The following STAG1 variants were observed in gnomAD, a reference collection of about 807,000 sequenced individuals.
STAG1 encodes the protein cohesin subunit SA-1.
Under a neutral mutation model 170.9 loss-of-function variants are expected in STAG1, and 26 were observed. The ratio of observed to expected loss-of-function variants is 0.15; its 90% CI spans 0.11 to 0.21. STAG1 has a LOEUF of 0.21. STAG1 is among the 10% of genes least tolerant of loss of function. The pLI is 1.00. For synonymous variants in STAG1, 514 were observed against 497.7 expected, an observed-to-expected ratio of 1.03 and a Z score of -0.44; for missense variants, 964 against 1,509.5, an observed-to-expected ratio of 0.64 and a Z score of 5.99.
At chr3:136,558,659 T>G (rs77145930) in intron 5 of STAG1, among the ~76,000 whole-genome samples, 9,301 of 152,340 alleles carry the variant, frequency 0.061, 416 homozygotes, top group Non-Finnish European at 0.095. Flanking sequence ...ATCAGAATTC[T>G]GTGACATCAC....
At chr3:136,666,070 A>G (rs9876771) in intron 1 of STAG1, among the ~76,000 whole-genome samples, 37,434 of 102,834 alleles carry the variant, frequency 0.36, 7,217 homozygotes, top group African/African-American at 0.56. Flanking sequence ...GTGAGACTCC[A>G]TCTCAAAAAA....
In STAG1 at chr3:136,336,859, A is replaced by C. The variant is rs1321002615; in HGVS notation, c.*1395T>G. ...TTTTTCGTATTTGATAAAAAGGGAA[A>C]GCCTCATGATTCTGTTGCAGCTACT... is the stretch of plus-strand genomic sequence containing the variant. On this transcript the variant is annotated 3_prime_UTR_variant, in exon 34 of 34. Transcript: ENST00000383202. The C allele has an allele frequency of 1.3e-5, 2 of 152,244 alleles. No homozygotes were observed. Among genetic ancestry groups the C allele is most frequent in the Non-Finnish European group, 2.9e-5 (2 of 68,044 alleles). The allele number at this position is 152,244 out of a possible 1,614,324, so 9.4% of individuals were successfully genotyped here. A position where few individuals can be genotyped will look rare whatever the true frequency, so the allele number is the denominator to read the frequency against.
rs1206663477 is a variant in STAG1, at chr3:136,337,154, A to G, written c.*1100T>C. 1 of 152,676 alleles carries G rather than the reference A, an allele frequency of 6.5e-6. No homozygotes were observed. Among genetic ancestry groups the G allele is most frequent in the Non-Finnish European group, 1.5e-5 (1 of 68,040 alleles). 9.5% of individuals were successfully genotyped at this position (152,676 alleles called of 1,614,324 possible). A position where few individuals can be genotyped will look rare whatever the true frequency, so the allele number is the denominator to read the frequency against. Reference sequence around the variant, plus strand: ...GTAAGCTTAGGAACTTCACCCTCTAAGCACAGACTTCTATGCAGCACATAC... The same window carrying G: ...GTAAGCTTAGGAACTTCACCCTCTAGGCACAGACTTCTATGCAGCACATAC... On this transcript the variant is annotated 3_prime_UTR_variant, in exon 34 of 34. Coordinates refer to ENST00000383202, the MANE Select transcript of STAG1 (RefSeq NM_005862.3).
At chr3:136,675,476 C>A (rs1942102957) in intron 1 of STAG1, among the ~76,000 whole-genome samples, 1 of 152,214 alleles carries the variant, frequency 6.6e-6, no homozygotes, top group Non-Finnish European at 1.5e-5. Context: ...CAAGTGCAGT[C>A]TGGTTTTCTG....
intron 1 of STAG1, among the ~76,000 whole-genome samples, chr3:136,728,607 C>T (rs751996841): frequency 1.3e-5 from 2 of 152,182 alleles, no homozygotes; most frequent in East Asian, 1.9e-4. Flanking sequence ...TGGCATCTAA[C>T]ACATACTGTT....
Position 136,507,869 on chromosome 3 carries a change from C to T in STAG1, c.677-5090G>A, listed in dbSNP as rs575496465. 3.2e-3 allele frequency among the ~76,000 whole-genome samples: 486 copies of T among 151,982 alleles called. 6 individuals carry two copies. The highest frequency in any genetic ancestry group is 0.011 in the African/African-American group (470 of 41,422). On this transcript the variant is annotated intron_variant, in intron 7 of 33. Transcript: ENST00000383202. ...AAATCACCAGGACAATGTGGTATTCCAGAAAACAAGTGAAGACAGTGTTCC... is the reference window on the plus strand; with the variant it reads ...AAATCACCAGGACAATGTGGTATTCTAGAAAACAAGTGAAGACAGTGTTCC...
intron 4 of STAG1, among the ~76,000 whole-genome samples, chr3:136,594,776 G>C (rs927687681): frequency 6.6e-6 from 1 of 152,084 alleles, no homozygotes; most frequent in African/African-American, 2.4e-5. Flanking sequence ...ACGACAGTCC[G>C]ACTTTTTTTT....
At chr3:136,491,405 T>C (rs2090123010) in intron 9 of STAG1, among the ~76,000 whole-genome samples, 1 of 152,208 alleles carries the variant, frequency 6.6e-6, no homozygotes. Flanking sequence ...CTGGGTAAAC[T>C]CCTCAGTATT....
chr3:136,549,464 C>T (rs906705381), intron 5 of STAG1, among the ~76,000 whole-genome samples: 1 of 152,064 alleles, frequency 6.6e-6, no homozygotes, highest in African/African-American at 2.4e-5. Context: ...GCACCTGCAC[C>T]ATCCTGGCTG....
intron 5 of STAG1, among the ~76,000 whole-genome samples, chr3:136,558,888 T>C (rs1456036655): frequency 6.6e-6 from 1 of 152,226 alleles, no homozygotes; most frequent in East Asian, 1.9e-4. Flanking sequence ...AATTAACTGG[T>C]ATATTCATAT....
At chr3:136,503,072 T>G (rs1183603003) in intron 7 of STAG1, among the ~76,000 whole-genome samples, 1 of 152,158 alleles carries the variant, frequency 6.6e-6, no homozygotes, top group African/African-American at 2.4e-5. Flanking sequence ...TTTCTCCTAC[T>G]CCTAAAAATA....
intron 5 of STAG1, among the ~76,000 whole-genome samples, chr3:136,563,533 C>G (rs1488803430): frequency 2.0e-5 from 3 of 151,036 alleles, no homozygotes; most frequent in Non-Finnish European, 4.4e-5. Context: ...CACGCACGCA[C>G]AAACTCTCTC....
At chr3:136,400,843 A>T (rs184805120) in intron 21 of STAG1, among the ~76,000 whole-genome samples, 229 of 152,216 alleles carry the variant, frequency 1.5e-3, no homozygotes, top group Non-Finnish European at 2.7e-3. Context: ...CTCAAAATAA[A>T]TTTTCTAAAG....
intron 1 of STAG1, among the ~76,000 whole-genome samples, chr3:136,680,798 A>ATG (rs1942305875): frequency 6.6e-6 from 1 of 151,184 alleles, no homozygotes; most frequent in South Asian, 2.1e-4. Flanking sequence ...AAATATATAT[A>ATG]TTACATATAC....
At chr3:136,638,921 A>G (rs1320903565) in intron 1 of STAG1, among the ~76,000 whole-genome samples, 1 of 152,054 alleles carries the variant, frequency 6.6e-6, no homozygotes, top group African/African-American at 2.4e-5. Flanking sequence ...AAATAAATAA[A>G]TGCATGTTAT....
chr3:136,355,670 G>A (rs529147180), intron 28 of STAG1, among the ~76,000 whole-genome samples: 34 of 152,200 alleles, frequency 2.2e-4, no homozygotes, highest in African/African-American at 6.7e-4. Context: ...CTCTAAGACC[G>A]TATGTTGGTC....
chr3:136,473,689 A>G lies in STAG1; in HGVS notation c.1027-52T>C, dbSNP rs1363922831. ...CAGAAGGAGTCAATTCCATACTACA[A>G]TTTTCAAGTCTATATGAAGACTAAA... On this transcript the variant is annotated intron_variant, in intron 10 of 33. Transcript: ENST00000383202. 7.3e-6 allele frequency: 10 copies of G among 1,378,224 alleles called. 1 individual carries two copies. Among genetic ancestry groups the G allele is most frequent in the Middle Eastern group, 3.6e-4 (2 of 5,602 alleles). 85.4% of individuals were successfully genotyped at this position (1,378,224 alleles called of 1,614,324 possible).
chr3:136,663,458 GAGAT>G (rs1941645794), intron 1 of STAG1, among the ~76,000 whole-genome samples: 1 of 152,196 alleles, frequency 6.6e-6, no homozygotes, highest in South Asian at 2.1e-4. Context: ...AGTTTGATCA[GAGAT>G]AGATTCACTC....
chr3:136,615,555 G>T (rs1306028262), intron 3 of STAG1, among the ~76,000 whole-genome samples: 7 of 151,858 alleles, frequency 4.6e-5, no homozygotes, highest in Admixed American at 1.3e-4. Context: ...GAGGCAGGCA[G>T]ATCACGAGGT....
Sources: gnomAD v4.1 joint callset for allele counts (sites outside exome capture counted in the v4.1 genomes callset) on GRCh38, gnomAD v4.1.1 for gene constraint, MANE v1.5 for transcripts, NCBI Gene and HGNC (gene_info 2026-07-23, HGNC 2026-07-21) for gene names.